Variants in KCTD1 observed in about 807,000 individuals in gnomAD.
KCTD1 encodes the protein potassium channel tetramerization domain containing 1, also known as BTB/POZ domain-containing protein KCTD1.
A neutral mutation model predicts 66.0 loss-of-function variants in KCTD1; 24 were observed. The observed-to-expected ratio is 0.36, with a 90% confidence interval of 0.26 to 0.51. The LOEUF (loss-of-function observed/expected upper bound fraction) is 0.51. KCTD1 is among the 20% of genes least tolerant of loss of function. The pLI is 0.95. For synonymous variants in KCTD1, 511 were observed against 517.2 expected, an observed-to-expected ratio of 0.99 and a Z score of 0.16; for missense variants, 943 against 1,205.2, an observed-to-expected ratio of 0.78 and a Z score of 3.22.
intron 1 of KCTD1, among the ~76,000 whole-genome samples, chr18:26,615,769 A>C (rs1987235629): frequency 6.6e-6 from 1 of 152,184 alleles, no homozygotes. Context: ...ACATCTCAGC[A>C]CTAGCTATAG....
chr18:26,579,330 T>C (rs959782271), intron 1 of KCTD1, among the ~76,000 whole-genome samples: 2 of 152,230 alleles, frequency 1.3e-5, no homozygotes, highest in Non-Finnish European at 2.9e-5. Context: ...CAATTAGTGT[T>C]GGACACACTT....
chr18:26,620,679 G>T lies in KCTD1; in HGVS notation c.-16+8468C>A, dbSNP rs568331936. Among the ~76,000 whole-genome samples the T allele has an allele frequency of 1.6e-4, 25 of 152,116 alleles. No homozygotes were observed. The South Asian group carries it at 5.2e-3, about 32-fold the overall frequency. On this transcript the variant is annotated intron_variant, in intron 1 of 4. Transcript: ENST00000317932. Reference sequence around the variant, plus strand: ...TCAAACTCCTGGGCTCAAGGGATCTGCCGGCCCCGGCCTCCCAAAGTGCTG... The same window carrying T: ...TCAAACTCCTGGGCTCAAGGGATCTTCCGGCCCCGGCCTCCCAAAGTGCTG...
intron 2 of KCTD1, among the ~76,000 whole-genome samples, chr18:26,482,564 G>C (rs1981704358): frequency 6.6e-6 from 1 of 152,160 alleles, no homozygotes; most frequent in South Asian, 2.1e-4. Context: ...TACAGCTAAG[G>C]AAGTTTAGCT....
upstream of KCTD1, among the ~76,000 whole-genome samples, chr18:26,552,696 T>C (rs1444331896): frequency 6.6e-6 from 1 of 152,144 alleles, no homozygotes; most frequent in Non-Finnish European, 1.5e-5. Flanking sequence ...TTTCTTGCAG[T>C]AGAGTTAATG....
chr18:26,564,536 T>G (rs1472115048), intron 1 of KCTD1, among the ~76,000 whole-genome samples: 1 of 152,220 alleles, frequency 6.6e-6, no homozygotes, highest in Non-Finnish European at 1.5e-5. Context: ...GTAATACTTC[T>G]ATATTATTTT....
chr18:26,549,543 C>A (rs370453982), upstream of KCTD1: 1 of 836,926 alleles, frequency 1.2e-6, no homozygotes, highest in East Asian at 1.3e-4. Context: ...CCTTCCCCAC[C>A]CGCCCAGGGC....
At chr18:26,600,879 A>G (rs1986878634) in intron 1 of KCTD1, among the ~76,000 whole-genome samples, 1 of 151,966 alleles carries the variant, frequency 6.6e-6, no homozygotes, top group Non-Finnish European at 1.5e-5. Flanking sequence ...TTCCATCCCC[A>G]ACCACATTTT....
intron 4 of KCTD1, 81 bp from the exon 5 acceptor site, chr18:26,455,982 T>A: frequency 7.4e-7 from 1 of 1,360,096 alleles, no homozygotes; most frequent in Non-Finnish European, 1.0e-6. Flanking sequence ...TTTGAGATTA[T>A]GCGCACTCTG....
intron 1 of KCTD1, among the ~76,000 whole-genome samples, chr18:26,621,227 A>G (rs565780865): frequency 2.6e-4 from 40 of 152,218 alleles, no homozygotes; most frequent in Non-Finnish European, 3.7e-4. Context: ...TTTAAATATA[A>G]GGGTGCTACT....
At position 26,476,423 on chromosome 18, in the gene KCTD1, T is replaced by G; in HGVS notation, c.2133+92A>C. The stretch of plus-strand genomic sequence containing the variant: ...AACTCTGGCACCTTTCGAGTTGGTG[T>G]ATGTTAATAATGTAGAACTAGAAAT... On this transcript the variant is annotated intron_variant, in intron 3 of 4. Transcript: ENST00000580059. The surrounding 1 kb of genome is among the most constrained non-coding windows in gnomAD (Gnocchi z 4.9). 2 of 1,217,096 alleles carry G rather than the reference T, an allele frequency of 1.6e-6. No homozygotes were observed. The highest frequency in any genetic ancestry group is 2.3e-6 in the Non-Finnish European group (2 of 880,816). The allele number at this position is 1,217,096 out of a possible 1,614,324, so 75.4% of individuals were successfully genotyped here.
intron 1 of KCTD1, among the ~76,000 whole-genome samples, chr18:26,616,637 A>T (rs1987261152): frequency 6.6e-6 from 1 of 151,924 alleles, no homozygotes. Context: ...CTTGGGCTTC[A>T]GCCTCTTGAG....
chr18:26,619,095 C>T (rs1598969589), intron 1 of KCTD1, among the ~76,000 whole-genome samples: 1 of 152,152 alleles, frequency 6.6e-6, no homozygotes, highest in Middle Eastern at 3.4e-3. Context: ...ATTTTGAGTA[C>T]TAGAAAAAAA....
In KCTD1 at chr18:26,656,855, T is replaced by C. The variant is rs542279691; in HGVS notation, c.9+505A>G. Among the ~76,000 whole-genome samples the C allele has an allele frequency of 2.7e-3, 343 of 125,858 alleles. 2 individuals are homozygous for C. The highest frequency in any genetic ancestry group is 5.0e-3 in the Admixed American group (54 of 10,816). 82.6% of individuals were successfully genotyped at this position (125,858 alleles called of 152,430 possible). On this transcript the variant is annotated intron_variant, in intron 1 of 4. Coordinates refer to the KCTD1 transcript ENST00000580191. ...GGGCCGGTTTGCGGGCGCGGAGCTT[T>C]GCGCCGGGGAAGAAAGGGACGCGCG...
At chr18:26,521,604 A>G (rs1232839893) in intron 1 of KCTD1, among the ~76,000 whole-genome samples, 2 of 152,246 alleles carry the variant, frequency 1.3e-5, no homozygotes, top group African/African-American at 2.4e-5. Flanking sequence ...GTGCCCCAGG[A>G]GCTACAAAAT....
Position 26,593,677 on chromosome 18 carries a change from G to A in KCTD1, c.-16+35470C>T, listed in dbSNP as rs1399751838. Reference sequence around the variant, plus strand: ...GGAGGAAGAGGAGGAGGAGGAAGATGAGGAGGAGGAGGAAGAAGATAAGCA... The same window carrying A: ...GGAGGAAGAGGAGGAGGAGGAAGATAAGGAGGAGGAGGAAGAAGATAAGCA... On this transcript the variant is annotated intron_variant, in intron 1 of 4. Transcript: ENST00000317932. 3.5e-5 allele frequency among the ~76,000 whole-genome samples: 3 copies of A among 85,868 alleles called. 1 individual carries two copies. The highest frequency in any genetic ancestry group is 4.9e-5 in the Non-Finnish European group (2 of 40,696). 56.3% of individuals were successfully genotyped at this position (85,868 alleles called of 152,430 possible). A position where few individuals can be genotyped will look rare whatever the true frequency, so the allele number is the denominator to read the frequency against.
rs75948489 is a variant in KCTD1, at chr18:26,560,743, C to T, written c.-15-59493G>A. Among the ~76,000 whole-genome samples, 739 of 152,320 alleles carry T rather than the reference C, an allele frequency of 4.9e-3. 9 individuals are homozygous for T. Among genetic ancestry groups the T allele is most frequent in the African/African-American group, 0.017 (713 of 41,572 alleles). On this transcript the variant is annotated intron_variant, in intron 1 of 4. Transcript: ENST00000317932. ...CTGTGTATTTTTCTAGAATTAAAAT[C>T]CATAGCTTTCAACATCTTAAAGGAG...
At chr18:26,613,931 G>C (rs1987191642) in intron 1 of KCTD1, among the ~76,000 whole-genome samples, 1 of 152,072 alleles carries the variant, frequency 6.6e-6, no homozygotes, top group African/African-American at 2.4e-5. Flanking sequence ...TACACTCAAT[G>C]GTCATTTTCT....
intron 1 of KCTD1, among the ~76,000 whole-genome samples, chr18:26,638,235 C>A (rs1987764033): frequency 6.6e-6 from 1 of 152,176 alleles, no homozygotes; most frequent in Non-Finnish European, 1.5e-5. Context: ...TCAAATCAGT[C>A]CAAGTTCATT....
At chr18:26,538,816 C>G (rs1984835160) in intron 1 of KCTD1, among the ~76,000 whole-genome samples, 1 of 152,126 alleles carries the variant, frequency 6.6e-6, no homozygotes, top group South Asian at 2.1e-4. Flanking sequence ...GAGATTTGCT[C>G]CAGGGGATGT....
Sources: gnomAD v4.1 joint callset for allele counts (sites outside exome capture counted in the v4.1 genomes callset) on GRCh38, gnomAD v4.1.1 for gene constraint, Gnocchi (gnomAD v3.1) non-coding constraint, MANE v1.5 for transcripts, NCBI Gene and HGNC (gene_info 2026-07-23, HGNC 2026-07-21) for gene names.